The following ZNF711 variants were observed in gnomAD, a reference collection of about 807,000 sequenced individuals.
The protein encoded by ZNF711 is ZFX family zinc finger ZNF711, also known as zinc finger protein 711.
ZNF711 carries 3 observed loss-of-function variants against 43.5 expected under a neutral mutation model. The ratio of observed to expected loss-of-function variants is 0.07; its 90% CI spans 0.03 to 0.18. The LOEUF (loss-of-function observed/expected upper bound fraction) is 0.18. ZNF711 is among the 10% of genes least tolerant of loss of function. ZNF711 has a pLI of 1.00. For missense variants in ZNF711, 412 were observed against 604.0 expected, an observed-to-expected ratio of 0.68 and a Z score of 3.33; for synonymous variants, 209 against 207.7, an observed-to-expected ratio of 1.01 and a Z score of -0.06.
chrX:85,255,240 A>G lies in ZNF711; in HGVS notation c.80-19A>G, dbSNP rs764403721. On this transcript the variant is annotated intron_variant, in intron 4 of 10. Coordinates refer to ENST00000674551, the MANE Select transcript of ZNF711 (RefSeq NM_001330574.2). ...AATAAAATAACTTTACCTTTTTTGG[A>G]TAATTGTTTGTATTATAGTGGCTGG... The G allele has an allele frequency of 6.1e-5, 73 of 1,199,963 alleles. No homozygotes were observed. The Admixed American group carries it at 8.1e-4, about 13-fold the overall frequency.
At chrX:85,262,997 A>G (rs746630775) in intron 5 of ZNF711, among the ~76,000 whole-genome samples, 1 of 110,244 alleles carries the variant, frequency 9.1e-6, no homozygotes, top group South Asian at 3.8e-4. Context: ...TGGTTCTAGA[A>G]TTGTTAGATG....
At chrX:85,248,135 T>C (rs1012989842) in intron 4 of ZNF711, among the ~76,000 whole-genome samples, 2 of 106,470 alleles carry the variant, frequency 1.9e-5, no homozygotes, top group African/African-American at 3.5e-5. Context: ...AGAAAGTTGT[T>C]ACCATTAGAA....
chrX:85,266,823 T>G (rs2093615539), intron 7 of ZNF711, among the ~76,000 whole-genome samples: 1 of 108,361 alleles, frequency 9.2e-6, no homozygotes, highest in Non-Finnish European at 1.9e-5. Context: ...ATTTTAAATT[T>G]TTTTCAATTA....
intron 9 of ZNF711, 125 bp downstream of exon 9, chrX:85,268,466 T>A: frequency 1.3e-6 from 1 of 758,980 alleles, no homozygotes; most frequent in Non-Finnish European, 1.9e-6. Context: ...TAGTCATACC[T>A]AATCTAGTTA....
At chrX:85,258,652 G>A (rs1304379280) in intron 5 of ZNF711, among the ~76,000 whole-genome samples, 1 of 110,490 alleles carries the variant, frequency 9.1e-6, no homozygotes, top group East Asian at 2.8e-4. Flanking sequence ...GCATTTCTCT[G>A]ATGATTAGTG....
intron 5 of ZNF711, among the ~76,000 whole-genome samples, chrX:85,263,148 T>A (rs1930810610): frequency 9.0e-6 from 1 of 110,805 alleles, no homozygotes; most frequent in African/African-American, 3.3e-5. Context: ...GCATATAATA[T>A]TTAGGAGGCA....
chrX:85,265,863 C>T (rs888117628), intron 7 of ZNF711, among the ~76,000 whole-genome samples: 10 of 111,064 alleles, frequency 9.0e-5, no homozygotes, highest in Non-Finnish European at 1.9e-4. Flanking sequence ...AAGTATTCTT[C>T]CAAGCCAAGC....
intron 5 of ZNF711, among the ~76,000 whole-genome samples, chrX:85,256,130 G>A (rs1229674868): frequency 9.0e-6 from 1 of 110,891 alleles, no homozygotes; most frequent in Non-Finnish European, 1.9e-5. Flanking sequence ...TTCTTATGTA[G>A]CCACTGCTTT....
At position 85,256,402 on chromosome X, in the gene ZNF711, G is replaced by T. The variant is rs181869769; in HGVS notation, c.622+601G>T. On this transcript the variant is annotated intron_variant, in intron 5 of 10. Transcript: ENST00000674551. ...ACATTCTATCCGAAGCGGGAAGATAGAAATATTTTGTTCTCATTTTAAATG... is the reference window on the plus strand; with the variant it reads ...ACATTCTATCCGAAGCGGGAAGATATAAATATTTTGTTCTCATTTTAAATG... Among the ~76,000 whole-genome samples the T allele has an allele frequency of 9.8e-5, 11 of 111,764 alleles. No homozygotes were observed. In the East Asian group the frequency reaches 2.2e-3, roughly 23 times the overall value.
chrX:85,246,571 A>G (rs764381244), intron 2 of ZNF711, among the ~76,000 whole-genome samples: 3 of 112,297 alleles, frequency 2.7e-5, no homozygotes, highest in African/African-American at 9.7e-5. Context: ...GCAATATGGT[A>G]CAATTTATTA....
At chrX:85,252,493 C>T (rs1291589538) in intron 4 of ZNF711, among the ~76,000 whole-genome samples, 1 of 111,530 alleles carries the variant, frequency 9.0e-6, no homozygotes, top group African/African-American at 3.3e-5. Flanking sequence ...TATTTTAAAT[C>T]TTTGGTTTGT....
At chrX:85,259,759 A>T (rs1930479643) in intron 5 of ZNF711, among the ~76,000 whole-genome samples, 1 of 111,378 alleles carries the variant, frequency 9.0e-6, no homozygotes, top group Non-Finnish European at 1.9e-5. Flanking sequence ...AAGCCTTAAT[A>T]AAATTGTTTA....
intron 9 of ZNF711, 92 bp from the exon 10 acceptor site, chrX:85,269,911 C>T (rs1931430267): frequency 9.6e-6 from 9 of 937,006 alleles, no homozygotes; most frequent in Middle Eastern, 3.4e-4. Flanking sequence ...AGAGTGGTAA[C>T]TTGGTGTCAT....
chrX:85,252,088 C>T (rs752853123), intron 4 of ZNF711, among the ~76,000 whole-genome samples: 175 of 111,600 alleles, frequency 1.6e-3, no homozygotes, highest in Non-Finnish European at 1.7e-3. Flanking sequence ...TTTAGAAAGT[C>T]AGTGGAATCT....
intron 10 of ZNF711, 134 bp downstream of exon 10, chrX:85,270,280 GTTT>G (rs200962174): frequency 2.8e-3 from 1,359 of 482,833 alleles, no homozygotes; most frequent in Middle Eastern, 3.8e-3. Context: ...ATAGATAATT[GTTT>G]TTTTTTTTTT....
chrX:85,260,607 C>G (rs1044695240), intron 5 of ZNF711, among the ~76,000 whole-genome samples: 6 of 29,163 alleles, frequency 2.1e-4, no homozygotes, highest in Non-Finnish European at 8.1e-4. Flanking sequence ...AGCTGTTAGC[C>G]CCCCCCCCAT....
rs367654949 is a variant in ZNF711, at chrX:85,255,595, G to A, written c.416G>A (p.Gly139Glu). ...FVADLVTGPN[G>E]HLEHVVQDCV... Reference sequence around the variant, plus strand: ...GCTGACCTTGTTACTGGTCCTAATGGACACTTAGAACATGTGGTCCAAGAT... The same window carrying A: ...GCTGACCTTGTTACTGGTCCTAATGAACACTTAGAACATGTGGTCCAAGAT... The change falls in exon 5 of 11, where the codon GGA (glycine) becomes GAA (glutamate). Residue 139 changes from glycine to glutamate, a missense_variant. By Grantham distance (98) the Gly-to-Glu change is moderately conservative (BLOSUM62 -2). Coordinates refer to ENST00000674551, the MANE Select transcript of ZNF711 (RefSeq NM_001330574.2). 2.4e-4 allele frequency: 290 copies of A among 1,209,684 alleles called. No homozygotes were observed. Among genetic ancestry groups the A allele is most frequent in the Non-Finnish European group, 3.0e-4 (266 of 895,205 alleles).
At chrX:85,265,916 A>G (rs1931054423) in intron 7 of ZNF711, among the ~76,000 whole-genome samples, 2 of 111,376 alleles carry the variant, frequency 1.8e-5, no homozygotes, top group Admixed American at 1.9e-4. Context: ...GTCTCCAAGC[A>G]GTTGCTGCTT....
At chrX:85,259,844 G>C (rs1390160070) in intron 5 of ZNF711, among the ~76,000 whole-genome samples, 1 of 111,146 alleles carries the variant, frequency 9.0e-6, no homozygotes, top group Non-Finnish European at 1.9e-5. Context: ...AAGAGAGATA[G>C]TTTGACTTAT....
Sources: allele counts gnomAD v4.1 joint callset (sites outside exome capture counted in the v4.1 genomes callset), GRCh38; gene constraint gnomAD v4.1.1; transcripts MANE v1.5; gene names NCBI Gene and HGNC (gene_info 2026-07-23, HGNC 2026-07-21).